UNG: variants seen among roughly 807,000 people sequenced by gnomAD.
UNG encodes the protein uracil-DNA glycosylase.
In UNG, 34 loss-of-function variants were observed where a neutral mutation model predicts 36.5. The observed-to-expected ratio is 0.93, with a 90% confidence interval of 0.71 to 1.24. The LOEUF (loss-of-function observed/expected upper bound fraction) is 1.24. UNG is among the 50% of genes most tolerant of loss of function. The probability of loss-of-function intolerance (pLI) is 0.00; values close to 1 mark genes in which losing one functional copy is unlikely to be tolerated. For missense variants in UNG, 391 were observed against 397.6 expected (o/e 0.98, Z 0.14); for synonymous variants, 172 against 157.8 (o/e 1.09, Z -0.67).
Position 109,110,322 on chromosome 12 carries a change from T to C in UNG, c.*353T>C. The C allele has an allele frequency of 3.3e-6, 1 of 305,286 alleles. No homozygotes were observed. Among genetic ancestry groups the C allele is most frequent in the Non-Finnish European group, 6.3e-6 (1 of 158,008 alleles). 18.9% of individuals were successfully genotyped at this position (305,286 alleles called of 1,614,324 possible). ...GCCCTAGTTTGGCGCCTGCTGCTCC[T>C]TGGTTTTGCCTGGTTAGACTTTCAG... On this transcript the variant is annotated 3_prime_UTR_variant, in exon 7 of 7. Coordinates refer to ENST00000242576, the MANE Select transcript of UNG (RefSeq NM_080911.3).
At chr12:109,097,967 C>T (rs11832399) in intron 1 of UNG, among the ~76,000 whole-genome samples, 156 bp downstream of exon 1, 3,717 of 152,344 alleles carry the variant, frequency 0.024, 55 homozygotes, top group African/African-American at 0.039. Context: ...CGCCGCTGTC[C>T]CCCATGGGCC....
intron 3 of UNG, among the ~76,000 whole-genome samples, chr12:109,099,867 A>C (rs895188913): frequency 4.6e-5 from 7 of 152,296 alleles, no homozygotes; most frequent in Admixed American, 1.3e-4. Context: ...ATTTGAGGTC[A>C]GGAGTTCAAG....
chr12:109,107,612 C>G (rs563473542), intron 6 of UNG, among the ~76,000 whole-genome samples: 1 of 151,062 alleles, frequency 6.6e-6, no homozygotes, highest in African/African-American at 2.4e-5. Context: ...TGCAGCCTCC[C>G]CCTCCTGGGT....
intron 6 of UNG, among the ~76,000 whole-genome samples, chr12:109,104,808 G>T (rs1446423003): frequency 2.0e-5 from 3 of 152,176 alleles, no homozygotes; most frequent in Non-Finnish European, 4.4e-5. Flanking sequence ...GAAGGCAAGG[G>T]CTTAGCAGAG....
intron 3 of UNG, among the ~76,000 whole-genome samples, chr12:109,100,406 T>G (rs1335743674): frequency 6.6e-6 from 1 of 152,222 alleles, no homozygotes; most frequent in Non-Finnish European, 1.5e-5. Context: ...TGTGATTTAA[T>G]GAATATCTGT....
chr12:109,098,744 T>C, intron 2 of UNG, 106 bp downstream of exon 2: 1 of 1,459,286 alleles, frequency 6.9e-7, no homozygotes, highest in Non-Finnish European at 9.4e-7. Flanking sequence ...GCTTAGGTTG[T>C]ACCCCCTTCA....
intron 1 of UNG, 29 bp from the exon 2 acceptor site, chr12:109,098,401 CTT>C (rs2042149510): frequency 1.2e-6 from 2 of 1,602,830 alleles, no homozygotes; most frequent in Non-Finnish European, 1.7e-6. Flanking sequence ...CGCTGCAGCT[CTT>C]GAGCCGCCTC....
chr12:109,098,634 T>G lies in UNG; in HGVS notation c.335T>G (p.Ile112Ser), dbSNP rs763978824. 9 of 1,613,500 alleles carry G rather than the reference T, an allele frequency of 5.6e-6. No homozygotes were observed. The South Asian group carries it at 6.6e-5, about 12-fold the overall frequency. Residue 112 changes from isoleucine (I) to serine (S), a missense_variant, in exon 2 of 7, where the codon ATC (isoleucine) becomes AGC (serine). Ile to Ser is a moderately radical substitution (Grantham distance 142). Transcript: ENST00000242576. Reference sequence around the variant, plus strand: ...GGGGAGTTCGGGAAACCGTATTTTATCAAGGTAAATATGGAAATGCACCTT... The same window carrying G: ...GGGGAGTTCGGGAAACCGTATTTTAGCAAGGTAAATATGGAAATGCACCTT... ...LSGEFGKPYF[I>S]KLMGFVAEER... is the part of the protein sequence containing the mutation.
Position 109,098,449 on chromosome 12 carries a change from G to A in UNG, c.150G>A (p.Lys50=), listed in dbSNP as rs1033323157. The A allele has an allele frequency of 4.3e-6, 7 of 1,609,872 alleles. No individual in the cohort carries two copies. The highest frequency in any genetic ancestry group is 5.9e-6 in the Non-Finnish European group (7 of 1,178,322). The part of the protein sequence containing the change: ...SGDAAAIPAK[K]APAGQEEPGT... Reference sequence around the variant, plus strand: ...ACTTGCAGGCCATCCCAGCCAAGAAGGCCCCGGCTGGGCAGGAGGAGCCTG... The same window carrying A: ...ACTTGCAGGCCATCCCAGCCAAGAAAGCCCCGGCTGGGCAGGAGGAGCCTG... The change falls in exon 2 of 7, where the codon AAG becomes AAA. Residue 50 remains lysine (K), a synonymous_variant. Coordinates refer to ENST00000242576, the MANE Select transcript of UNG (RefSeq NM_080911.3).
At chr12:109,104,903 G>A (rs1354420368) in intron 6 of UNG, among the ~76,000 whole-genome samples, 2 of 152,248 alleles carry the variant, frequency 1.3e-5, no homozygotes, top group Middle Eastern at 3.4e-3. Flanking sequence ...CCTACCTTGT[G>A]TGGGTACTAG....
intron 3 of UNG, among the ~76,000 whole-genome samples, chr12:109,100,600 C>T (rs761991287): frequency 9.2e-5 from 14 of 152,130 alleles, no homozygotes; most frequent in Non-Finnish European, 1.8e-4. Context: ...ATGCCCTATT[C>T]TGAATACCAG....
intron 1 of UNG, 24 bp downstream of exon 1, chr12:109,097,835 C>T: frequency 1.3e-6 from 2 of 1,518,306 alleles, no homozygotes; most frequent in Non-Finnish European, 1.8e-6. Flanking sequence ...TGGGCCGGGG[C>T]TAGGGGGTGA....
At chr12:109,102,575 G>T (rs369014281) in intron 4 of UNG, among the ~76,000 whole-genome samples, 1 of 152,192 alleles carries the variant, frequency 6.6e-6, no homozygotes, top group South Asian at 2.1e-4. Flanking sequence ...GGGGGTCTGG[G>T]TTGTAACTGC....
At chr12:109,099,526 A>T (rs2042161096) in intron 3 of UNG, among the ~76,000 whole-genome samples, 1 of 152,136 alleles carries the variant, frequency 6.6e-6, no homozygotes, top group Non-Finnish European at 1.5e-5. Context: ...TATTTTTTTT[A>T]AATCCTGAAA....
At position 109,110,117 on chromosome 12, in the gene UNG, G is replaced by GA. The variant is rs1314036203; in HGVS notation, c.*150dup. The GA allele has an allele frequency of 4.7e-6, 5 of 1,070,380 alleles. No homozygotes were observed. In the African/African-American group the frequency reaches 7.9e-5, roughly 17 times the overall value. 66.3% of individuals were successfully genotyped at this position (1,070,380 alleles called of 1,614,324 possible). On this transcript the variant is annotated 3_prime_UTR_variant, in exon 7 of 7. Transcript: ENST00000242576. The stretch of plus-strand genomic sequence containing the variant: ...AGCAGCCATGAACCAGGCTGTCCAG[G>GA]AATGGCAGCTGTATCCAACCACAAA...
At chr12:109,101,869 ATTG>A (rs2042180534) in intron 3 of UNG, 30 bp from the exon 4 acceptor site, 2 of 1,577,016 alleles carry the variant, frequency 1.3e-6, no homozygotes, top group Non-Finnish European at 1.7e-6. Context: ...ACATTACAGT[ATTG>A]TTTAATTCCT....
At chr12:109,098,135 C>T in intron 1 of UNG, 3 of 1,368,798 alleles carry the variant, frequency 2.2e-6, no homozygotes, top group Middle Eastern at 2.7e-4. Flanking sequence ...CACGTGGGGA[C>T]GCGGTGGGGC....
In UNG at chr12:109,109,484, A is replaced by G. The variant is rs3219271; in HGVS notation, c.802-345A>G. ...CAGCCACAGTCCTTCCTTTTTGGGG[A>G]AAAAAAAAAAAAGTCCCGGCCGGGC... is the stretch of plus-strand genomic sequence containing the variant. On this transcript the variant is annotated intron_variant, in intron 6 of 6. Transcript: ENST00000242576. 6.8e-3 allele frequency among the ~76,000 whole-genome samples: 993 copies of G among 145,960 alleles called. 6 individuals carry two copies. Among genetic ancestry groups the G allele is most frequent in the Admixed American group, 0.011 (165 of 14,570 alleles).
rs542636092 is a variant in UNG at position 109,107,375 on chromosome 12, A to AT, written c.802-2445dup. Among the ~76,000 whole-genome samples the AT allele has an allele frequency of 1.6e-3, 244 of 149,676 alleles. 1 individual carries two copies. Among genetic ancestry groups the AT allele is most frequent in the African/African-American group, 4.9e-3 (199 of 40,820 alleles). ...GCCACCACACCTGGCTAATTTTTGT[A>AT]TTTTTTTTTGTGGAGACAGGGTTTC... On this transcript the variant is annotated intron_variant, in intron 6 of 6. Coordinates refer to ENST00000242576, the MANE Select transcript of UNG (RefSeq NM_080911.3).
Sources: allele counts gnomAD v4.1 joint callset (sites outside exome capture counted in the v4.1 genomes callset), GRCh38; gene constraint gnomAD v4.1.1; transcripts MANE v1.5; gene names NCBI Gene and HGNC (gene_info 2026-07-23, HGNC 2026-07-21).